PTPRC: variants seen among roughly 807,000 people sequenced by gnomAD.
PTPRC encodes protein tyrosine phosphatase receptor type C.
In PTPRC, 44 loss-of-function variants were observed where a neutral mutation model predicts 155.9. That is an observed-to-expected ratio of 0.28 (90% CI 0.22 to 0.36). PTPRC has a LOEUF of 0.36. Among genes scored for constraint, PTPRC ranks in the 10% least tolerant of loss-of-function variants. PTPRC has a pLI of 1.00. For synonymous variants in PTPRC, 525 were observed against 533.1 expected (o/e 0.98, Z 0.21); for missense variants, 1,401 against 1,564.6 (o/e 0.90, Z 1.76).
intron 23 of PTPRC, among the ~76,000 whole-genome samples, chr1:198,739,167 G>T (rs1038102401): frequency 2.6e-5 from 4 of 151,360 alleles, no homozygotes; most frequent in African/African-American, 9.7e-5. Flanking sequence ...AGAAGGAAGA[G>T]GAGGCCACAA....
At position 198,729,132 on chromosome 1, in the gene PTPRC, C is replaced by T. The variant is rs753737525; in HGVS notation, c.1830-5C>T. ...TATAGAAACTTATTTTTCCTATTTT[C>T]ACAGCAATTTAGATGAACAGCAGGA... On this transcript the variant is annotated splice_polypyrimidine_tract_variant and splice_region_variant and intron_variant, in intron 16 of 32. Transcript: ENST00000442510. The T allele has an allele frequency of 5.8e-5, 94 of 1,610,112 alleles. 1 individual carries two copies. The highest frequency in any genetic ancestry group is 7.8e-5 in the Non-Finnish European group (92 of 1,177,970).
At chr1:198,690,273 T>A (rs1243692959) in intron 2 of PTPRC, among the ~76,000 whole-genome samples, 2 of 152,114 alleles carry the variant, frequency 1.3e-5, no homozygotes, top group Non-Finnish European at 2.9e-5. Flanking sequence ...ATACTAATAT[T>A]TTTTTCTTAT....
Position 198,674,995 on chromosome 1 carries a change from C to G in PTPRC, c.74-17352C>G, listed in dbSNP as rs9803750. Among the ~76,000 whole-genome samples the G allele has an allele frequency of 3.9e-3, 588 of 152,010 alleles. 9 individuals carry two copies. Among genetic ancestry groups the G allele is most frequent in the Non-Finnish European group, 5.3e-3 (362 of 67,946 alleles). On this transcript the variant is annotated intron_variant, in intron 2 of 32. Transcript: ENST00000442510. ...CCTCATGTTGCATTTATTTCTTATG[C>G]ATCTTTAGTCCCCTAGGATTTGTGA...
At chr1:198,703,450 C>G (rs765262425) in intron 7 of PTPRC, 78 bp downstream of exon 7, 19 of 1,602,602 alleles carry the variant, frequency 1.2e-5, no homozygotes, top group South Asian at 2.2e-5. Context: ...CTTCCACCCA[C>G]TCTACCTCGG....
chr1:198,680,563 A>G (rs186559773), intron 2 of PTPRC, among the ~76,000 whole-genome samples: 15 of 152,252 alleles, frequency 9.9e-5, no homozygotes, highest in Non-Finnish European at 1.6e-4. Flanking sequence ...AGACTTTGGA[A>G]TCTCCTACTA....
chr1:198,686,319 T>A (rs568494327), intron 2 of PTPRC, among the ~76,000 whole-genome samples: 139 of 152,140 alleles, frequency 9.1e-4, no homozygotes, highest in Admixed American at 1.4e-3. Context: ...TTTAGTGCTA[T>A]GGTGCCACCT....
rs552861853 is a variant in PTPRC, at chr1:198,644,125, AT to A, written c.73+4793del. Among the ~76,000 whole-genome samples, 7 of 151,318 alleles carry A rather than the reference AT, an allele frequency of 4.6e-5. No homozygotes were observed. The East Asian group carries it at 7.8e-4, about 17-fold the overall frequency. ...AATTTTTCATCAGTGCTGACCTTTGATTTTTTTTTCTAGACATCTTATAGAT... is the reference window on the plus strand; with the variant it reads ...AATTTTTCATCAGTGCTGACCTTTGATTTTTTTTCTAGACATCTTATAGAT... On this transcript the variant is annotated intron_variant, in intron 2 of 32. Transcript: ENST00000442510.
chr1:198,667,348 G>A (rs1472186870), intron 2 of PTPRC, among the ~76,000 whole-genome samples: 4 of 152,050 alleles, frequency 2.6e-5, no homozygotes, highest in Non-Finnish European at 5.9e-5. Flanking sequence ...GAATAGCTTT[G>A]GAATGTTTAT....
chr1:198,690,065 G>A (rs1471693783), intron 2 of PTPRC, among the ~76,000 whole-genome samples: 1 of 152,138 alleles, frequency 6.6e-6, no homozygotes, highest in Non-Finnish European at 1.5e-5. Flanking sequence ...TGCATGAGAA[G>A]GGGCATATCA....
intron 5 of PTPRC, among the ~76,000 whole-genome samples, chr1:198,701,902 G>A (rs148059750): frequency 5.3e-5 from 8 of 152,314 alleles, no homozygotes; most frequent in African/African-American, 1.9e-4. Flanking sequence ...TTAAAACTGA[G>A]CACCTGCACC....
intron 29 of PTPRC, among the ~76,000 whole-genome samples, chr1:198,750,945 G>GT (rs1655353095): frequency 6.6e-6 from 1 of 151,936 alleles, no homozygotes; most frequent in Non-Finnish European, 1.5e-5. Context: ...TAAAAGCCAA[G>GT]ATCTTTTTGT....
intron 20 of PTPRC, among the ~76,000 whole-genome samples, chr1:198,733,240 A>T (rs547753005): frequency 6.6e-6 from 1 of 151,816 alleles, no homozygotes; most frequent in Admixed American, 6.6e-5. Flanking sequence ...CCATTTTCCC[A>T]GTGTCCTCAC....
intron 2 of PTPRC, among the ~76,000 whole-genome samples, chr1:198,661,027 CCA>C (rs57081641): frequency 0.1 from 15,363 of 151,950 alleles, 1,144 homozygotes; most frequent in African/African-American, 0.19. Flanking sequence ...ATCCCTCTTA[CCA>C]CACACACTCA....
At position 198,757,185 on chromosome 1, in the gene PTPRC, C is replaced by T. The variant is rs1655723691; in HGVS notation, c.*1004C>T. The T allele has an allele frequency of 6.6e-6, 1 of 151,726 alleles. No homozygotes were observed. Among genetic ancestry groups the T allele is most frequent in the Non-Finnish European group, 1.5e-5 (1 of 67,780 alleles). 9.4% of individuals were successfully genotyped at this position (151,726 alleles called of 1,614,324 possible). On this transcript the variant is annotated 3_prime_UTR_variant, in exon 33 of 33. Transcript: ENST00000442510. ...ATCCCATTCATAACTTTCATTAAAG[C>T]ATTTACTTTGAATTTCTCCAATGCT...
intron 15 of PTPRC, among the ~76,000 whole-genome samples, chr1:198,723,145 A>G (rs1653974666): frequency 6.6e-6 from 1 of 150,414 alleles, no homozygotes; most frequent in Non-Finnish European, 1.5e-5. Context: ...ACAATATTGT[A>G]TACTGCTCTT....
intron 2 of PTPRC, among the ~76,000 whole-genome samples, chr1:198,654,003 G>T (rs138786374): frequency 1.3e-5 from 2 of 151,744 alleles, no homozygotes; most frequent in Admixed American, 1.3e-4. Context: ...ATTTCCTTCC[G>T]CTGGCTTTTC....
At position 198,716,704 on chromosome 1, in the gene PTPRC, T is replaced by G. The variant is rs772260882; in HGVS notation, c.1314T>G (p.Asp438Glu). The G allele has an allele frequency of 1.9e-6, 3 of 1,612,066 alleles. No homozygotes were observed. The highest frequency in any genetic ancestry group is 2.5e-6 in the Non-Finnish European group (3 of 1,179,788). Residue 438 changes from aspartate (D) to glutamate (E), a missense_variant, in exon 13 of 33, where the codon GAT becomes GAG. Around this residue, in one of 3 missense-constraint regions of PTPRC, gnomAD observed 867 missense variants for 970.4 expected, o/e 0.89. Coordinates refer to ENST00000442510, the MANE Select transcript of PTPRC (RefSeq NM_002838.5). Reference sequence around the variant, plus strand: ...CAGAAAAAGATTGCCTCAATCTGGATAAAAACCTGATCAAATATGATTTGC... The same window carrying G: ...CAGAAAAAGATTGCCTCAATCTGGAGAAAAACCTGATCAAATATGATTTGC... ...KETEKDCLNLDKNLIKYDLQN... is the reference protein window; with the variant it reads ...KETEKDCLNLEKNLIKYDLQN...
At chr1:198,697,164 C>G (rs887300776) in intron 4 of PTPRC, among the ~76,000 whole-genome samples, 2 of 152,134 alleles carry the variant, frequency 1.3e-5, no homozygotes, top group Non-Finnish European at 2.9e-5. Context: ...GAAATTTGTT[C>G]TAGTATCCTC....
At chr1:198,712,056 T>C (rs1037970136) in intron 11 of PTPRC, among the ~76,000 whole-genome samples, 3 of 152,212 alleles carry the variant, frequency 2.0e-5, no homozygotes, top group African/African-American at 7.2e-5. Flanking sequence ...AGCAGATGCA[T>C]TCATAGTAGC....
Sources: gnomAD v4.1 joint callset for allele counts (sites outside exome capture counted in the v4.1 genomes callset) on GRCh38, gnomAD v4.1.1 for gene constraint, gnomAD v4.1.1 regional missense constraint, MANE v1.5 for transcripts, NCBI Gene and HGNC (gene_info 2026-07-23, HGNC 2026-07-21) for gene names.